VPS13B: variants seen among roughly 807,000 people sequenced by gnomAD.
VPS13B encodes vacuolar protein sorting 13 homolog B.
In VPS13B, 285 loss-of-function variants were observed where a neutral mutation model predicts 426.4. The observed-to-expected ratio is 0.67, with a 90% CI of 0.61 to 0.74. The LOEUF (loss-of-function observed/expected upper bound fraction) is 0.74. Among genes scored for constraint, VPS13B ranks in the 30% least tolerant of loss-of-function variants. The pLI is 0.00. For synonymous variants in VPS13B, 1,676 were observed against 1,676.4 expected, an observed-to-expected ratio of 1.00 and a Z score of 0.01; for missense variants, 4,537 against 4,782.6, an observed-to-expected ratio of 0.95 and a Z score of 1.51.
intron 3 of VPS13B, among the ~76,000 whole-genome samples, chr8:99,053,990 CA>C (rs1321766830): frequency 7.2e-5 from 11 of 152,342 alleles, no homozygotes; most frequent in African/African-American, 2.6e-4. Context: ...GGGCGTGAGC[CA>C]CCACGCCCAG....
intron 30 of VPS13B, among the ~76,000 whole-genome samples, chr8:99,553,803 A>C (rs1824404669): frequency 6.6e-6 from 1 of 152,078 alleles, no homozygotes; most frequent in African/African-American, 2.4e-5. Context: ...CAAGTATGTC[A>C]CATATATGTC....
At chr8:99,868,137 T>C in intron 58 of VPS13B, 152 bp from the exon 59 acceptor site, 1 of 882,626 alleles carries the variant, frequency 1.1e-6, no homozygotes, top group Non-Finnish European at 1.8e-6. Context: ...CTTGGTGTAC[T>C]TAGATAACTG....
chr8:99,814,034 G>A (rs1813875270), intron 44 of VPS13B, among the ~76,000 whole-genome samples: 1 of 152,156 alleles, frequency 6.6e-6, no homozygotes, highest in South Asian at 2.1e-4. Flanking sequence ...AAGCTACTTA[G>A]GAGGCTGAGG....
At chr8:99,573,437 A>G (rs1304176565) in intron 31 of VPS13B, among the ~76,000 whole-genome samples, 3 of 152,190 alleles carry the variant, frequency 2.0e-5, no homozygotes, top group Non-Finnish European at 4.4e-5. Context: ...TTTTAGGTCT[A>G]ACATTTAAGT....
chr8:99,452,130 C>T (rs1818228315), intron 23 of VPS13B, among the ~76,000 whole-genome samples: 1 of 152,150 alleles, frequency 6.6e-6, no homozygotes, highest in African/African-American at 2.4e-5. Context: ...GCTACACTCC[C>T]TGCTGCTTGC....
At chr8:99,131,945 G>A (rs1809825801) in intron 8 of VPS13B, among the ~76,000 whole-genome samples, 2 of 152,170 alleles carry the variant, frequency 1.3e-5, no homozygotes, top group Admixed American at 6.5e-5. Flanking sequence ...CACCCAGGCT[G>A]GAGTGTAGTG....
chr8:99,390,587 G>A (rs1015970020), intron 20 of VPS13B, among the ~76,000 whole-genome samples: 1 of 152,054 alleles, frequency 6.6e-6, no homozygotes, highest in Non-Finnish European at 1.5e-5. Flanking sequence ...CTTAAGGTTG[G>A]ATCTATAAAA....
chr8:99,376,055 A>T (rs557330173), intron 19 of VPS13B, among the ~76,000 whole-genome samples: 1 of 152,340 alleles, frequency 6.6e-6, no homozygotes, highest in Non-Finnish European at 1.5e-5. Context: ...TGCAAATGAC[A>T]GTGGCACCCT....
In VPS13B at chr8:99,134,435, C is replaced by G. The variant is rs557917273; in HGVS notation, c.1207-197C>G. Among the ~76,000 whole-genome samples the G allele has an allele frequency of 2.0e-5, 3 of 152,186 alleles. No homozygotes were observed. The East Asian group carries it at 5.8e-4, about 29-fold the overall frequency. On this transcript the variant is annotated intron_variant, in intron 8 of 61. Coordinates refer to ENST00000357162, the MANE Select transcript of VPS13B (RefSeq NM_152564.5). ...AAAAAGTATTTAAATTCTCTATATA[C>G]GTTGAGACTAGCATATTCAACCTTT...
At chr8:99,456,003 A>T (rs1563739650) in intron 23 of VPS13B, among the ~76,000 whole-genome samples, 1 of 152,136 alleles carries the variant, frequency 6.6e-6, no homozygotes, top group Non-Finnish European at 1.5e-5. Flanking sequence ...TGAATGGTAA[A>T]TTTATGTTGA....
At chr8:99,317,310 G>A (rs1467213863) in intron 19 of VPS13B, among the ~76,000 whole-genome samples, 1 of 152,072 alleles carries the variant, frequency 6.6e-6, no homozygotes. Context: ...TATACATTGT[G>A]TAATGATTAA....
intron 41 of VPS13B, among the ~76,000 whole-genome samples, chr8:99,778,140 G>A (rs1811832158): frequency 6.6e-6 from 1 of 151,112 alleles, no homozygotes; most frequent in South Asian, 2.1e-4. Context: ...GCTAAAGCAG[G>A]AGAATCGCTT....
At chr8:99,199,030 G>A (rs182865494) in intron 17 of VPS13B, among the ~76,000 whole-genome samples, 55 of 152,172 alleles carry the variant, frequency 3.6e-4, no homozygotes, top group Middle Eastern at 3.4e-3. Context: ...GTTAAGCTTT[G>A]TTTAATATGT....
chr8:99,038,378 A>T (rs1022335275), intron 2 of VPS13B, 45 bp from the exon 3 acceptor site: 2 of 1,463,430 alleles, frequency 1.4e-6, no homozygotes, highest in African/African-American at 2.8e-5. Context: ...ATAATAAAAA[A>T]TATTAAGCAC....
At position 99,871,710 on chromosome 8, in the gene VPS13B, A is replaced by G. The variant is rs756596264; in HGVS notation, c.11745+13A>G. On this transcript the variant is annotated intron_variant, in intron 61 of 61. Transcript: ENST00000357162. ...CTGTGATGTGGAGGTACGTTTCAGAAAACAGGGCAACCAAGACTAGCTGGC... is the reference window on the plus strand; with the variant it reads ...CTGTGATGTGGAGGTACGTTTCAGAGAACAGGGCAACCAAGACTAGCTGGC... 1.9e-6 allele frequency: 3 copies of G among 1,612,916 alleles called. No individual in the cohort carries two copies. The Admixed American group carries it at 5.0e-5, about 27-fold the overall frequency.
At chr8:99,114,591 C>G (rs1443122941) in intron 6 of VPS13B, among the ~76,000 whole-genome samples, 1 of 152,190 alleles carries the variant, frequency 6.6e-6, no homozygotes, top group Non-Finnish European at 1.5e-5. Context: ...ATGCATACTC[C>G]TTTCCTGCTC....
chr8:99,147,809 T>C (rs749854171), intron 13 of VPS13B, 32 bp from the exon 14 acceptor site: 1 of 1,328,624 alleles, frequency 7.5e-7, no homozygotes, highest in South Asian at 1.9e-5. Context: ...TTAAAAATAT[T>C]CTTTATTAAT....
chr8:99,575,092 G>A (rs747942234), intron 31 of VPS13B, among the ~76,000 whole-genome samples: 1 of 152,120 alleles, frequency 6.6e-6, no homozygotes, highest in Non-Finnish European at 1.5e-5. Flanking sequence ...CTTGCGCCCA[G>A]GAGATTGAGG....
intron 19 of VPS13B, among the ~76,000 whole-genome samples, chr8:99,307,779 T>C (rs1820722301): frequency 6.6e-6 from 1 of 152,150 alleles, no homozygotes. Flanking sequence ...ACTTTTATTA[T>C]TTCATGTCAT....
Sources: gnomAD v4.1 joint callset for allele counts (sites outside exome capture counted in the v4.1 genomes callset) on GRCh38, gnomAD v4.1.1 for gene constraint, MANE v1.5 for transcripts, NCBI Gene and HGNC (gene_info 2026-07-23, HGNC 2026-07-21) for gene names.